The following AIG1 variants were observed in gnomAD, a reference collection of about 807,000 sequenced individuals.
AIG1 encodes the protein androgen-induced gene 1 protein.
In AIG1, 23 loss-of-function variants were observed where a neutral mutation model predicts 31.4. That is an observed-to-expected ratio of 0.73 (90% CI 0.53 to 1.04). AIG1 has a LOEUF of 1.04. Among genes scored for constraint, AIG1 ranks in the 50% least tolerant of loss-of-function variants. AIG1 has a pLI of 0.00. For synonymous variants in AIG1, 100 were observed against 110.5 expected (o/e 0.90, Z 0.60); for missense variants, 274 against 295.0 (o/e 0.93, Z 0.52).
rs75650005 is a variant in AIG1 at position 143,163,947 on chromosome 6, G to T, written c.298-1135G>T. ...CCAGCCTCCTTTGCCTTCCCTCACT[G>T]CCCACTGCCATGAAACAGGAGTCAC... On this transcript the variant is annotated intron_variant, in intron 2 of 5. Transcript: ENST00000357847. 7.5e-3 allele frequency among the ~76,000 whole-genome samples: 1,140 copies of T among 152,052 alleles called. 9 individuals are homozygous for T. The highest frequency in any genetic ancestry group is 0.011 in the Non-Finnish European group (756 of 67,982).
intron 3 of AIG1, among the ~76,000 whole-genome samples, chr6:143,240,045 A>T (rs891523981): frequency 6.6e-6 from 1 of 152,248 alleles, no homozygotes; most frequent in African/African-American, 2.4e-5. Context: ...GCAAACATTT[A>T]TTGAAACCAA....
intron 3 of AIG1, among the ~76,000 whole-genome samples, chr6:143,245,820 G>C (rs1348554079): frequency 6.6e-6 from 1 of 152,108 alleles, no homozygotes; most frequent in African/African-American, 2.4e-5. Flanking sequence ...TTCAGCAGAG[G>C]TATTTTATGA....
At chr6:143,194,355 C>T (rs1790050122) in intron 3 of AIG1, among the ~76,000 whole-genome samples, 1 of 152,126 alleles carries the variant, frequency 6.6e-6, no homozygotes, top group Non-Finnish European at 1.5e-5. Context: ...GGCAAACTGC[C>T]CCCATGATCC....
At chr6:143,304,152 A>G (rs1799059541) in intron 4 of AIG1, among the ~76,000 whole-genome samples, 1 of 152,066 alleles carries the variant, frequency 6.6e-6, no homozygotes, top group Non-Finnish European at 1.5e-5. Context: ...TTCTAAATTT[A>G]CAATCATGTC....
rs146870384 is a variant in AIG1 at position 143,327,717 on chromosome 6, G to T, written c.516-5565G>T. 1.3e-4 allele frequency: 22 copies of T among 170,096 alleles called. 1 individual carries two copies. The East Asian group carries it at 3.9e-3, about 30-fold the overall frequency. The allele number at this position is 170,096 out of a possible 1,614,324, so 10.5% of individuals were successfully genotyped here. On this transcript the variant is annotated intron_variant, in intron 4 of 5. Coordinates refer to ENST00000357847, the MANE Select transcript of AIG1 (RefSeq NM_016108.4). The surrounding 1 kb of genome is among the most constrained non-coding windows in gnomAD (Gnocchi z 5.3). The stretch of plus-strand genomic sequence containing the variant: ...ATTGTAAAAAAAAAAAAAAGATAAT[G>T]GATTAACTAAATGTGATGAAAGAGA...
intron 1 of AIG1, among the ~76,000 whole-genome samples, chr6:143,111,588 C>A (rs753141008): frequency 6.6e-6 from 1 of 152,164 alleles, no homozygotes; most frequent in African/African-American, 2.4e-5. Context: ...AGTCTTCTGA[C>A]GTTTTTGAAA....
intron 2 of AIG1, among the ~76,000 whole-genome samples, chr6:143,143,599 C>T (rs1320139014): frequency 7.4e-6 from 1 of 135,808 alleles, no homozygotes; most frequent in African/African-American, 2.7e-5. Context: ...ATTAAATTTT[C>T]ACACAGGTAC....
intron 3 of AIG1, among the ~76,000 whole-genome samples, chr6:143,176,986 C>G (rs7451854): frequency 0.022 from 3,359 of 152,290 alleles, 124 homozygotes; most frequent in African/African-American, 0.076. Flanking sequence ...AGTCCTGCCT[C>G]TTATCTGCCA....
At chr6:143,248,747 C>T (rs1356550824) in intron 3 of AIG1, among the ~76,000 whole-genome samples, 3 of 152,212 alleles carry the variant, frequency 2.0e-5, no homozygotes, top group East Asian at 1.9e-4. Flanking sequence ...TATCCAACCT[C>T]ATCAGTTAGG....
At chr6:143,210,559 A>G (rs1341859731) in intron 3 of AIG1, among the ~76,000 whole-genome samples, 4 of 152,164 alleles carry the variant, frequency 2.6e-5, no homozygotes, top group African/African-American at 9.7e-5. Flanking sequence ...CAAAGTGTAA[A>G]CCCTCTGTGT....
At chr6:143,341,294 G>T (rs1489486234), downstream of AIG1, among the ~76,000 whole-genome samples, 2 of 152,166 alleles carry the variant, frequency 1.3e-5, no homozygotes, top group Non-Finnish European at 2.9e-5. Flanking sequence ...CAGGATCAAA[G>T]ACTTGAAGGA....
At chr6:143,188,176 T>C in intron 3 of AIG1, 1 of 999,240 alleles carries the variant, frequency 1.0e-6, no homozygotes, top group Non-Finnish European at 1.2e-6. Context: ...GGAAGAGGTA[T>C]CTCTCTTTAC....
At chr6:143,244,726 T>G (rs1191548964) in intron 3 of AIG1, among the ~76,000 whole-genome samples, 1 of 152,236 alleles carries the variant, frequency 6.6e-6, no homozygotes, top group Non-Finnish European at 1.5e-5. Context: ...GTGCAGGCTC[T>G]TTAGAGAAAT....
intron 3 of AIG1, among the ~76,000 whole-genome samples, chr6:143,261,225 G>A (rs1027893721): frequency 4.6e-5 from 7 of 152,096 alleles, no homozygotes; most frequent in Non-Finnish European, 7.4e-5. Flanking sequence ...TCCGCCTCCC[G>A]GGTTGAAGCG....
chr6:143,308,177 G>T (rs919712201), intron 4 of AIG1, among the ~76,000 whole-genome samples: 1 of 152,318 alleles, frequency 6.6e-6, no homozygotes, highest in Non-Finnish European at 1.5e-5. Context: ...GCAATGCCTC[G>T]CCCTGCTTCG....
chr6:143,072,619 T>G (rs1777394433), intron 1 of AIG1, among the ~76,000 whole-genome samples: 1 of 152,152 alleles, frequency 6.6e-6, no homozygotes, highest in Admixed American at 6.5e-5. Flanking sequence ...ATCAGTTGAG[T>G]AAGTTTCTTT....
intron 3 of AIG1, among the ~76,000 whole-genome samples, chr6:143,233,018 A>G (rs568506754): frequency 6.6e-6 from 1 of 152,184 alleles, no homozygotes; most frequent in Admixed American, 6.5e-5. Flanking sequence ...TGGCATGTGC[A>G]TGAAGCAGTC....
intron 4 of AIG1, among the ~76,000 whole-genome samples, chr6:143,308,257 G>A (rs1387530890): frequency 1.3e-5 from 2 of 152,212 alleles, no homozygotes; most frequent in African/African-American, 2.4e-5. Context: ...AGATGAACCT[G>A]GTACCTCAGA....
intron 1 of AIG1, among the ~76,000 whole-genome samples, chr6:143,130,231 T>A (rs1189154699): frequency 6.6e-6 from 1 of 152,058 alleles, no homozygotes; most frequent in Non-Finnish European, 1.5e-5. Flanking sequence ...GCCCTGCTGA[T>A]AGATACTTTA....
Sources: gnomAD v4.1 joint callset for allele counts (sites outside exome capture counted in the v4.1 genomes callset) on GRCh38, gnomAD v4.1.1 for gene constraint, Gnocchi (gnomAD v3.1) non-coding constraint, MANE v1.5 for transcripts, NCBI Gene and HGNC (gene_info 2026-07-23, HGNC 2026-07-21) for gene names.